The following PCLO variants were observed in gnomAD, a reference collection of about 807,000 sequenced individuals.
The protein encoded by PCLO is piccolo presynaptic cytomatrix protein.
Under a neutral mutation model 427.5 loss-of-function variants are expected in PCLO, and 82 were observed. The observed-to-expected ratio is 0.19, with a 90% CI of 0.16 to 0.23. PCLO has a LOEUF of 0.23. PCLO is among the 10% of genes least tolerant of loss of function. The pLI is 1.00. For missense variants in PCLO, 6,239 were observed against 6,115.9 expected (o/e 1.02, Z -0.67); for synonymous variants, 2,357 against 2,155.4 (o/e 1.09, Z -2.59).
chr7:82,929,726 C>T (rs1476048003), intron 6 of PCLO, among the ~76,000 whole-genome samples: 1 of 151,976 alleles, frequency 6.6e-6, no homozygotes, highest in African/African-American at 2.4e-5. Flanking sequence ...TCCTAAATTT[C>T]TAGGAAGTAT....
At chr7:82,814,685 A>G (rs1415224417) in intron 20 of PCLO, among the ~76,000 whole-genome samples, 1 of 151,960 alleles carries the variant, frequency 6.6e-6, no homozygotes, top group Admixed American at 6.6e-5. Context: ...CACATATTCC[A>G]TTAGTCATCA....
rs527290154 is a variant in PCLO, at chr7:83,146,974, T to C, written c.1893+7774A>G. Among the ~76,000 whole-genome samples the C allele has an allele frequency of 9.4e-4, 142 of 150,420 alleles. 2 individuals are homozygous for C. The highest frequency in any genetic ancestry group is 3.4e-3 in the African/African-American group (138 of 40,826). On this transcript the variant is annotated intron_variant, in intron 2 of 24. Coordinates refer to ENST00000333891, the MANE Select transcript of PCLO (RefSeq NM_033026.6). ...CTGTTCCTATCAAGCTACTAATATA[T>C]AACAACAGGCTTACTAGACATTATG...
chr7:83,120,686 T>A (rs1177544714), intron 3 of PCLO, among the ~76,000 whole-genome samples: 1 of 152,116 alleles, frequency 6.6e-6, no homozygotes, highest in African/African-American at 2.4e-5. Flanking sequence ...GAGAGTAGCA[T>A]GACATATTTA....
chr7:83,119,562 G>A lies in PCLO; in HGVS notation c.3300+14688C>T, dbSNP rs117167780. Among the ~76,000 whole-genome samples, 690 of 152,132 alleles carry A rather than the reference G, an allele frequency of 4.5e-3. 3 individuals carry two copies. Among genetic ancestry groups the A allele is most frequent in the Admixed American group, 7.5e-3 (115 of 15,276 alleles). On this transcript the variant is annotated intron_variant, in intron 3 of 24. Coordinates refer to ENST00000333891, the MANE Select transcript of PCLO (RefSeq NM_033026.6). ...AATACCTGGAAAGCATTCTCAAGAA[G>A]GAAGGGTACAAATAAGCCCAGACTG...
chr7:82,891,374 C>G (rs1793761406), intron 9 of PCLO, among the ~76,000 whole-genome samples: 1 of 151,992 alleles, frequency 6.6e-6, no homozygotes, highest in Non-Finnish European at 1.5e-5. Context: ...GTGATTTTTG[C>G]ACACTGATTT....
chr7:82,802,308 A>G (rs1791371154), intron 21 of PCLO, among the ~76,000 whole-genome samples: 1 of 152,142 alleles, frequency 6.6e-6, no homozygotes, highest in Non-Finnish European at 1.5e-5. Flanking sequence ...AGAGTGCCTG[A>G]GAAATAATAA....
intron 20 of PCLO, among the ~76,000 whole-genome samples, chr7:82,815,379 T>A (rs1317375568): frequency 1.3e-5 from 2 of 152,018 alleles, no homozygotes; most frequent in Non-Finnish European, 2.9e-5. Flanking sequence ...TTGACTTTAT[T>A]AAATGTCATT....
chr7:83,005,943 A>G (rs1192886493), intron 3 of PCLO, among the ~76,000 whole-genome samples: 1 of 151,704 alleles, frequency 6.6e-6, no homozygotes, highest in Non-Finnish European at 1.5e-5. Context: ...CAGCCATTAC[A>G]GTAAAATATA....
intron 12 of PCLO, among the ~76,000 whole-genome samples, chr7:82,845,867 T>C (rs1268773917): frequency 6.6e-6 from 1 of 152,142 alleles, no homozygotes; most frequent in East Asian, 1.9e-4. Flanking sequence ...GGGAAAATTT[T>C]CTAAGGGGAA....
At chr7:82,902,971 A>G (rs1794086628) in intron 8 of PCLO, among the ~76,000 whole-genome samples, 1 of 152,000 alleles carries the variant, frequency 6.6e-6, no homozygotes. Flanking sequence ...TTGCAAAATG[A>G]CTTGTTGTAT....
intron 4 of PCLO, among the ~76,000 whole-genome samples, chr7:82,961,282 T>C (rs1306878418): frequency 6.6e-6 from 1 of 152,198 alleles, no homozygotes; most frequent in African/African-American, 2.4e-5. Flanking sequence ...GGTGGGATTT[T>C]TTCTGACACA....
rs541587629 is a variant in PCLO, at chr7:82,757,468, T to C, written c.*1107A>G. ...ACTCGAGTTTAGTGTCATGTTTTCATGATACAATCAGTAAATGAATTAAGT... is the reference window on the plus strand; with the variant it reads ...ACTCGAGTTTAGTGTCATGTTTTCACGATACAATCAGTAAATGAATTAAGT... On this transcript the variant is annotated 3_prime_UTR_variant, in exon 25 of 25. Coordinates refer to ENST00000333891, the MANE Select transcript of PCLO (RefSeq NM_033026.6). 3 of 151,938 alleles carry C rather than the reference T, an allele frequency of 2.0e-5. No individual in the cohort carries two copies. The South Asian group carries it at 6.2e-4, about 31-fold the overall frequency. 9.4% of individuals were successfully genotyped at this position (151,938 alleles called of 1,614,324 possible).
At chr7:83,070,176 T>C (rs1028779358) in intron 3 of PCLO, among the ~76,000 whole-genome samples, 1 of 152,128 alleles carries the variant, frequency 6.6e-6, no homozygotes, top group Admixed American at 6.5e-5. Context: ...GAGAATCCCA[T>C]GTGGTGAGGA....
intron 9 of PCLO, among the ~76,000 whole-genome samples, chr7:82,898,443 G>A (rs1405019769): frequency 6.6e-6 from 1 of 151,108 alleles, no homozygotes; most frequent in Non-Finnish European, 1.5e-5. Flanking sequence ...TATTTGCCAG[G>A]TATGCTTGTT....
At chr7:83,117,070 C>T (rs1296617738) in intron 3 of PCLO, among the ~76,000 whole-genome samples, 1 of 152,160 alleles carries the variant, frequency 6.6e-6, no homozygotes, top group Non-Finnish European at 1.5e-5. Context: ...GAGGACATTA[C>T]ATTAAAGATG....
chr7:83,044,487 C>T (rs973664905), intron 3 of PCLO, among the ~76,000 whole-genome samples: 2 of 152,076 alleles, frequency 1.3e-5, no homozygotes, highest in African/African-American at 2.4e-5. Context: ...TAAAATTTAA[C>T]AAGAATTATT....
At chr7:83,075,627 A>G (rs940970352) in intron 3 of PCLO, among the ~76,000 whole-genome samples, 3 of 152,160 alleles carry the variant, frequency 2.0e-5, no homozygotes, top group African/African-American at 7.2e-5. Context: ...TAGACTTTTA[A>G]TGCATTTTTA....
At chr7:82,906,021 A>AGATAGATG (rs1794181726) in intron 8 of PCLO, among the ~76,000 whole-genome samples, 1 of 145,880 alleles carries the variant, frequency 6.9e-6, no homozygotes, top group African/African-American at 2.8e-5. Context: ...ATAGATAGAT[A>AGATAGATG]GATAGATAGA....
At chr7:82,821,184 T>C in intron 20 of PCLO, 3 of 996,644 alleles carry the variant, frequency 3.0e-6, no homozygotes, top group Non-Finnish European at 3.6e-6. Flanking sequence ...TGGTTGCCAT[T>C]GGCTGGTGGA....
Sources: gnomAD v4.1 joint callset for allele counts (sites outside exome capture counted in the v4.1 genomes callset) on GRCh38, gnomAD v4.1.1 for gene constraint, MANE v1.5 for transcripts, NCBI Gene and HGNC (gene_info 2026-07-23, HGNC 2026-07-21) for gene names.